Variants in DLGAP1 observed in about 807,000 individuals in gnomAD.
The protein encoded by DLGAP1 is disks large-associated protein 1.
Under a neutral mutation model 90.8 loss-of-function variants are expected in DLGAP1, and 11 were observed. That is an observed-to-expected ratio of 0.12 (90% confidence interval 0.08 to 0.20). The LOEUF is 0.20. Ranked by LOEUF, DLGAP1 falls within the 10% of genes least tolerant of loss-of-function variation. The pLI, the probability that DLGAP1 is intolerant of heterozygous loss-of-function variation, is 1.00. For missense variants in DLGAP1, 1,050 were observed against 1,333.8 expected (o/e 0.79, Z 3.31); for synonymous variants, 558 against 540.7 (o/e 1.03, Z -0.44).
At chr18:4,014,085 T>C (rs952998907) in intron 2 of DLGAP1, 10 of 28,644 alleles carry the variant, frequency 3.5e-4, no homozygotes, top group African/African-American at 1.2e-3. Context: ...CTTAGCCCAC[T>C]TTTTTTTTTT....
At position 4,419,961 on chromosome 18, in the gene DLGAP1, G is replaced by T. The variant is rs540905064; in HGVS notation, c.-267+35045C>A. On this transcript the variant is annotated intron_variant, in intron 1 of 12. Transcript: ENST00000315677. ...ACACACTTTACATATGTACAGACAG[G>T]TCAAATAGATACAGACAGCTTAAAA... 9.9e-5 allele frequency among the ~76,000 whole-genome samples: 15 copies of T among 152,216 alleles called. No homozygotes were observed. In the South Asian group the frequency reaches 3.1e-3, roughly 32 times the overall value.
intron 11 of DLGAP1, among the ~76,000 whole-genome samples, chr18:3,507,956 C>T (rs1193526917): frequency 6.6e-6 from 1 of 152,134 alleles, no homozygotes; most frequent in Admixed American, 6.5e-5. Flanking sequence ...AGGCTGGTCT[C>T]GAACTCCTGA....
At chr18:4,102,132 A>C (rs193079623) in intron 2 of DLGAP1, among the ~76,000 whole-genome samples, 66 of 152,238 alleles carry the variant, frequency 4.3e-4, no homozygotes, top group African/African-American at 1.5e-3. Flanking sequence ...TGAAGGAGTA[A>C]ACTTTTTACC....
At chr18:3,869,124 C>T (rs939155887) in intron 4 of DLGAP1, among the ~76,000 whole-genome samples, 1 of 150,646 alleles carries the variant, frequency 6.6e-6, no homozygotes, top group African/African-American at 2.4e-5. Flanking sequence ...ACAGACTTAA[C>T]GTATGAAAAC....
intron 10 of DLGAP1, among the ~76,000 whole-genome samples, chr18:3,515,146 C>G (rs2050754762): frequency 6.6e-6 from 1 of 152,164 alleles, no homozygotes; most frequent in Non-Finnish European, 1.5e-5. Flanking sequence ...TGTTTGACAG[C>G]ATTTTACCCA....
chr18:4,447,191 C>A (rs1038074638), intron 1 of DLGAP1, among the ~76,000 whole-genome samples: 4 of 152,190 alleles, frequency 2.6e-5, no homozygotes, highest in African/African-American at 9.6e-5. Context: ...CCTTTGTTAG[C>A]ACAAGGTGAT....
chr18:3,931,651 G>C (rs2072517703), intron 3 of DLGAP1, among the ~76,000 whole-genome samples: 1 of 152,066 alleles, frequency 6.6e-6, no homozygotes, highest in Non-Finnish European at 1.5e-5. Context: ...AGGTCAAGTA[G>C]GTCACTTGTC....
At chr18:4,313,554 G>T (rs2080454175) in intron 1 of DLGAP1, among the ~76,000 whole-genome samples, 1 of 152,130 alleles carries the variant, frequency 6.6e-6, no homozygotes, top group African/African-American at 2.4e-5. Flanking sequence ...TTCATTGAGG[G>T]TGAAAATGAG....
At chr18:4,374,941 T>C (rs1002531639) in intron 1 of DLGAP1, among the ~76,000 whole-genome samples, 3 of 152,108 alleles carry the variant, frequency 2.0e-5, no homozygotes, top group Non-Finnish European at 4.4e-5. Flanking sequence ...ATTTTAACTA[T>C]ATTAATAGAA....
At chr18:3,739,659 G>C (rs1190029543) in intron 6 of DLGAP1, among the ~76,000 whole-genome samples, 1 of 151,870 alleles carries the variant, frequency 6.6e-6, no homozygotes, top group Non-Finnish European at 1.5e-5. Context: ...ATACCATTGG[G>C]AGATATACCT....
At chr18:4,381,651 C>G (rs1419421713) in intron 1 of DLGAP1, among the ~76,000 whole-genome samples, 1 of 152,064 alleles carries the variant, frequency 6.6e-6, no homozygotes, top group Non-Finnish European at 1.5e-5. Context: ...ATTTAACCTT[C>G]CTCTCTCTCT....
At chr18:4,064,520 T>C (rs1283202871) in intron 2 of DLGAP1, among the ~76,000 whole-genome samples, 2 of 151,864 alleles carry the variant, frequency 1.3e-5, no homozygotes, top group Non-Finnish European at 2.9e-5. Flanking sequence ...ACATCACCAC[T>C]GACCCCACAG....
At chr18:4,226,527 TAAC>T (rs1338274007) in intron 1 of DLGAP1, among the ~76,000 whole-genome samples, 1 of 151,712 alleles carries the variant, frequency 6.6e-6, no homozygotes, top group African/African-American at 2.4e-5. Flanking sequence ...TAAATAGAAA[TAAC>T]AAAAAGTTAA....
At chr18:3,798,015 A>G (rs1483665294) in intron 5 of DLGAP1, among the ~76,000 whole-genome samples, 2 of 152,176 alleles carry the variant, frequency 1.3e-5, no homozygotes, top group Non-Finnish European at 2.9e-5. Flanking sequence ...GCCTTCTGCC[A>G]TGATTGTGAG....
chr18:3,981,513 G>A (rs975610457), intron 3 of DLGAP1, among the ~76,000 whole-genome samples: 2 of 152,242 alleles, frequency 1.3e-5, no homozygotes, highest in Non-Finnish European at 2.9e-5. Flanking sequence ...CTTAGAGGGA[G>A]GGAAGGAAGA....
At chr18:4,089,887 C>T (rs375770206) in intron 2 of DLGAP1, among the ~76,000 whole-genome samples, 56 of 152,078 alleles carry the variant, frequency 3.7e-4, no homozygotes, top group East Asian at 1.2e-3. Context: ...CTACTAAAAA[C>T]ACAAAAAATT....
At chr18:4,364,455 T>C (rs2081711916) in intron 1 of DLGAP1, among the ~76,000 whole-genome samples, 1 of 152,084 alleles carries the variant, frequency 6.6e-6, no homozygotes, top group African/African-American at 2.4e-5. Flanking sequence ...CAATCATCAA[T>C]ATGTATACAC....
intron 4 of DLGAP1, among the ~76,000 whole-genome samples, chr18:3,856,255 C>T (rs1027016972): frequency 1.3e-5 from 2 of 151,992 alleles, no homozygotes; most frequent in South Asian, 2.1e-4. Context: ...GAAACATTAA[C>T]GAGAGCAAAG....
At chr18:3,516,382 C>T (rs1005337629) in intron 10 of DLGAP1, among the ~76,000 whole-genome samples, 52 of 152,094 alleles carry the variant, frequency 3.4e-4, no homozygotes, top group African/African-American at 1.0e-3. Context: ...AAGCATTTAT[C>T]CTTTGGATTA....
Sources: allele counts gnomAD v4.1 joint callset (sites outside exome capture counted in the v4.1 genomes callset), GRCh38; gene constraint gnomAD v4.1.1; transcripts MANE v1.5; gene names NCBI Gene and HGNC (gene_info 2026-07-23, HGNC 2026-07-21).